The following SAMD5 variants were observed in gnomAD, a reference collection of about 807,000 sequenced individuals.
SAMD5 encodes the protein sterile alpha motif domain-containing protein 5.
SAMD5 carries 13 observed loss-of-function variants against 11.3 expected under a neutral mutation model. That is an observed-to-expected ratio of 1.15 (90% confidence interval 0.75 to 1.83). The LOEUF (loss-of-function observed/expected upper bound fraction) is 1.83. SAMD5 is among the 40% of genes most tolerant of loss of function. The probability of loss-of-function intolerance (pLI) is 0.00; values close to 1 mark genes in which losing one functional copy is unlikely to be tolerated. For synonymous variants in SAMD5, 129 were observed against 111.3 expected (o/e 1.16, Z -1.00); for missense variants, 255 against 239.1 (o/e 1.07, Z -0.44).
the SAMD5 span, among the ~76,000 whole-genome samples, chr6:147,853,134 G>A: frequency 6.6e-6 from 1 of 152,128 alleles, no homozygotes; most frequent in Non-Finnish European, 1.5e-5. Flanking sequence ...GTTTGAAGCA[G>A]TGCTCTCTGA....
chr6:147,887,067 G>T, the SAMD5 span, among the ~76,000 whole-genome samples: 50 of 152,272 alleles, frequency 3.3e-4, no homozygotes, highest in Admixed American at 1.4e-3. Context: ...ATAAATGTAT[G>T]CTGTTTTAAA....
chr6:147,518,407 C>T (rs1344993711), intron 1 of SAMD5, among the ~76,000 whole-genome samples: 1 of 152,172 alleles, frequency 6.6e-6, no homozygotes, highest in Non-Finnish European at 1.5e-5. Context: ...TTATCTTAGG[C>T]ATACCCATGA....
chr6:147,781,799 CACACACA>C, the SAMD5 span, among the ~76,000 whole-genome samples: 3 of 150,712 alleles, frequency 2.0e-5, no homozygotes, highest in African/African-American at 7.3e-5. Context: ...CACACACACA[CACACACA>C]CACACAGCTT....
At chr6:147,849,913 G>A in the SAMD5 span, among the ~76,000 whole-genome samples, 34 of 152,306 alleles carry the variant, frequency 2.2e-4, no homozygotes, top group Non-Finnish European at 4.3e-4. Flanking sequence ...CTGGCACACA[G>A]GGACAAAGGC....
At chr6:147,928,127 CT>C in the SAMD5 span, among the ~76,000 whole-genome samples, 15 of 152,096 alleles carry the variant, frequency 9.9e-5, no homozygotes, top group Non-Finnish European at 1.9e-4. Flanking sequence ...CTGATGTGTT[CT>C]TTTTTTGGTT....
chr6:147,866,249 CT>C, the SAMD5 span, among the ~76,000 whole-genome samples: 48 of 152,242 alleles, frequency 3.2e-4, no homozygotes, highest in Non-Finnish European at 5.9e-4. Context: ...GAGCAGAAAT[CT>C]TAGGGAGTAC....
intron 1 of SAMD5, chr6:147,729,789 A>C: frequency 2.2e-6 from 1 of 457,208 alleles, no homozygotes; most frequent in South Asian, 1.5e-5. Context: ...GATGTGTTCA[A>C]GAAACAGCAA....
chr6:147,901,276 T>C, the SAMD5 span, among the ~76,000 whole-genome samples: 1 of 152,260 alleles, frequency 6.6e-6, no homozygotes, highest in Non-Finnish European at 1.5e-5. Flanking sequence ...CATCCATACA[T>C]ATCTATGTGT....
chr6:147,857,478 C>T, the SAMD5 span, among the ~76,000 whole-genome samples: 2 of 151,746 alleles, frequency 1.3e-5, no homozygotes, highest in Admixed American at 1.3e-4. Flanking sequence ...CTGCATTCTG[C>T]ACTCCAGCCT....
At chr6:147,782,586 G>A in the SAMD5 span, among the ~76,000 whole-genome samples, 8 of 152,192 alleles carry the variant, frequency 5.3e-5, no homozygotes, top group Non-Finnish European at 8.8e-5. Context: ...GTCAGCAGGG[G>A]ACTATCTGAT....
At chr6:147,823,026 A>G in the SAMD5 span, among the ~76,000 whole-genome samples, 100 of 152,282 alleles carry the variant, frequency 6.6e-4, no homozygotes, top group South Asian at 6.2e-3. Flanking sequence ...CACGTTGGCC[A>G]GGCTGGTCTC....
intron 1 of SAMD5, among the ~76,000 whole-genome samples, chr6:147,736,713 G>A (rs1455220101): frequency 2.6e-5 from 4 of 152,102 alleles, no homozygotes; most frequent in African/African-American, 7.2e-5. Flanking sequence ...TTTGACCAAG[G>A]AAAACCTAGG....
rs1789031974 is a variant in SAMD5, at chr6:147,565,881, T to C, written c.*1425T>C. 7.1e-6 allele frequency: 7 copies of C among 985,418 alleles called. No homozygotes were observed. The highest frequency in any genetic ancestry group is 7.2e-6 in the Non-Finnish European group (6 of 829,924). The allele number at this position is 985,418 out of a possible 1,614,324, so 61.0% of individuals were successfully genotyped here. On this transcript the variant is annotated 3_prime_UTR_variant, in exon 2 of 2. Coordinates refer to ENST00000367474, the MANE Select transcript of SAMD5 (RefSeq NM_001030060.3). The stretch of plus-strand genomic sequence containing the variant: ...TACAACTGGCTCCTGAGGCTGTCAA[T>C]TGTTTAGAGCTCCCAAGTAGTACTG...
intron 1 of SAMD5, among the ~76,000 whole-genome samples, chr6:147,538,457 T>C (rs1788547383): frequency 6.6e-6 from 1 of 152,232 alleles, no homozygotes; most frequent in African/African-American, 2.4e-5. Context: ...TAAAACTGTT[T>C]CTCCAGTTGT....
At chr6:147,852,867 T>G in the SAMD5 span, among the ~76,000 whole-genome samples, 2 of 152,214 alleles carry the variant, frequency 1.3e-5, no homozygotes, top group African/African-American at 4.8e-5. Context: ...TGACTTAAAT[T>G]ACAGCCAATT....
chr6:147,654,689 G>C (rs1403080971), intron 1 of SAMD5, among the ~76,000 whole-genome samples: 2 of 151,700 alleles, frequency 1.3e-5, no homozygotes, highest in African/African-American at 4.8e-5. Context: ...GTGAGCTCCA[G>C]TGTACAGGGT....
chr6:147,658,659 G>GT (rs67968760), intron 1 of SAMD5, among the ~76,000 whole-genome samples: 7,063 of 148,138 alleles, frequency 0.048, 200 homozygotes, highest in African/African-American at 0.059. Context: ...CTCCTACTGG[G>GT]TTTTTTTTTT....
chr6:147,709,933 A>G (rs1791373226), intron 1 of SAMD5, among the ~76,000 whole-genome samples: 1 of 152,086 alleles, frequency 6.6e-6, no homozygotes, highest in Non-Finnish European at 1.5e-5. Flanking sequence ...TCTGCCTAAA[A>G]CTGTGCAGTC....
At chr6:147,691,923 A>G (rs760373116) in intron 1 of SAMD5, among the ~76,000 whole-genome samples, 3 of 152,088 alleles carry the variant, frequency 2.0e-5, no homozygotes, top group Non-Finnish European at 4.4e-5. Flanking sequence ...AACACTTGCA[A>G]TTTGAAGAGT....
Sources: gnomAD v4.1 joint callset for allele counts (sites outside exome capture counted in the v4.1 genomes callset) on GRCh38, gnomAD v4.1.1 for gene constraint, MANE v1.5 for transcripts, NCBI Gene and HGNC (gene_info 2026-07-23, HGNC 2026-07-21) for gene names.